KIF16B: variants seen among roughly 807,000 people sequenced by gnomAD.
KIF16B encodes kinesin family member 16B, also known as kinesin-like protein KIF16B.
Under a neutral mutation model 156.3 loss-of-function variants are expected in KIF16B, and 98 were observed. That is an observed-to-expected ratio of 0.63 (90% CI 0.53 to 0.74). The LOEUF is 0.74. Ranked by LOEUF, KIF16B falls within the 30% of genes least tolerant of loss-of-function variation. KIF16B has a pLI of 0.00. For missense variants in KIF16B, 1,421 were observed against 1,606.5 expected, an observed-to-expected ratio of 0.88 and a Z score of 1.97; for synonymous variants, 564 against 583.7, an observed-to-expected ratio of 0.97 and a Z score of 0.49.
chr20:16,299,541 T>C (rs909603007), intron 25 of KIF16B, among the ~76,000 whole-genome samples: 4 of 152,152 alleles, frequency 2.6e-5, no homozygotes, highest in Admixed American at 2.0e-4. Flanking sequence ...TATTAACACA[T>C]CCAACACTCT....
rs768096070 is a variant in KIF16B at position 16,505,986 on chromosome 20, G to C, written c.868+36C>G. On this transcript the variant is annotated intron_variant, in intron 8 of 25. Coordinates refer to ENST00000354981, the MANE Select transcript of KIF16B (RefSeq NM_024704.5). Reference sequence around the variant, plus strand: ...ATATTACACATGAGGAAAAAGAGGAGGAAACAGAGGAGGCAGGAGCCAGGC... The same window carrying C: ...ATATTACACATGAGGAAAAAGAGGACGAAACAGAGGAGGCAGGAGCCAGGC... 5.0e-6 allele frequency: 8 copies of C among 1,611,450 alleles called. No homozygotes were observed. The East Asian group carries it at 1.8e-4, about 36-fold the overall frequency.
Position 16,288,913 on chromosome 20 carries a change from C to A in KIF16B, c.3796-15502G>T, listed in dbSNP as rs534895937. ...TACTGGCGATGGGTTTATTGGGATCCCATCATAAGTGGAGGAGTATCTGTT... is the reference window on the plus strand; with the variant it reads ...TACTGGCGATGGGTTTATTGGGATCACATCATAAGTGGAGGAGTATCTGTT... On this transcript the variant is annotated intron_variant, in intron 25 of 25. Coordinates refer to ENST00000354981, the MANE Select transcript of KIF16B (RefSeq NM_024704.5). Among the ~76,000 whole-genome samples the A allele has an allele frequency of 2.2e-5, 3 of 135,102 alleles. No homozygotes were observed. The South Asian group carries it at 7.3e-4, about 33-fold the overall frequency. 88.6% of individuals were successfully genotyped at this position (135,102 alleles called of 152,430 possible).
chr20:16,342,060 C>A (rs1447183879), intron 23 of KIF16B, among the ~76,000 whole-genome samples: 1 of 152,174 alleles, frequency 6.6e-6, no homozygotes, highest in Admixed American at 6.5e-5. Flanking sequence ...AGTGTCCAAA[C>A]CATGATTTTT....
At chr20:16,350,706 C>T (rs779489027) in intron 23 of KIF16B, among the ~76,000 whole-genome samples, 4 of 142,826 alleles carry the variant, frequency 2.8e-5, no homozygotes, top group Non-Finnish European at 6.1e-5. Context: ...TCCATCAGTG[C>T]GGATGGAGCA....
chr20:16,565,489 C>T (rs6044121), intron 1 of KIF16B, among the ~76,000 whole-genome samples: 21,657 of 152,174 alleles, frequency 0.14, 1,557 homozygotes, highest in South Asian at 0.17. Flanking sequence ...TGGAGAATCA[C>T]TGTTTTACAA....
Position 16,317,127 on chromosome 20 carries a change from T to C in KIF16B, c.3712-4709A>G, listed in dbSNP as rs989677988. 2.0e-5 allele frequency among the ~76,000 whole-genome samples: 3 copies of C among 152,236 alleles called. No individual in the cohort carries two copies. The East Asian group carries it at 5.8e-4, about 29-fold the overall frequency. ...AATCAGAAATATTATCTGAACATTTTCATTCCCTCTCAAGTACTTTATATT... is the reference window on the plus strand; with the variant it reads ...AATCAGAAATATTATCTGAACATTTCCATTCCCTCTCAAGTACTTTATATT... On this transcript the variant is annotated intron_variant, in intron 24 of 25. Coordinates refer to ENST00000354981, the MANE Select transcript of KIF16B (RefSeq NM_024704.5).
At chr20:16,535,912 T>C (rs1380301147) in intron 1 of KIF16B, among the ~76,000 whole-genome samples, 1 of 152,168 alleles carries the variant, frequency 6.6e-6, no homozygotes, top group Non-Finnish European at 1.5e-5. Flanking sequence ...AAATTAGTGC[T>C]ATGGAAAACA....
intron 12 of KIF16B, among the ~76,000 whole-genome samples, chr20:16,433,985 A>G (rs2066574810): frequency 6.6e-6 from 1 of 152,206 alleles, no homozygotes; most frequent in South Asian, 2.1e-4. Context: ...AGGGTCCCAA[A>G]GAAATCAATG....
intron 12 of KIF16B, among the ~76,000 whole-genome samples, chr20:16,485,913 G>A (rs1196996041): frequency 2.6e-5 from 4 of 151,888 alleles, no homozygotes; most frequent in Admixed American, 1.3e-4. Flanking sequence ...ATATATATGT[G>A]TATATAAATT....
chr20:16,333,392 CTTAT>C (rs1423824671), intron 24 of KIF16B, among the ~76,000 whole-genome samples: 1 of 152,132 alleles, frequency 6.6e-6, no homozygotes, highest in Non-Finnish European at 1.5e-5. Flanking sequence ...CTGAAATTGC[CTTAT>C]TTATTTGTTC....
Position 16,370,570 on chromosome 20 carries a change from A to T in KIF16B, c.3498+16T>A, listed in dbSNP as rs372277234. On this transcript the variant is annotated intron_variant, in intron 22 of 25. Coordinates refer to ENST00000354981, the MANE Select transcript of KIF16B (RefSeq NM_024704.5). ...AATTTAAGGCGACCCTATCAATCTG[A>T]AAAATCATTACCTACCTCATATTTT... 2 of 1,565,442 alleles carry T rather than the reference A, an allele frequency of 1.3e-6. No homozygotes were observed. The highest frequency in any genetic ancestry group is 1.7e-6 in the Non-Finnish European group (2 of 1,162,966).
chr20:16,289,008 G>A (rs1002837601), intron 25 of KIF16B, among the ~76,000 whole-genome samples: 9 of 151,760 alleles, frequency 5.9e-5, no homozygotes, highest in African/African-American at 2.2e-4. Context: ...ACGGCCAGTT[G>A]AAAATACTCT....
intron 1 of KIF16B, among the ~76,000 whole-genome samples, chr20:16,541,917 C>T (rs1339520061): frequency 2.0e-5 from 3 of 152,276 alleles, no homozygotes; most frequent in African/African-American, 4.8e-5. Context: ...CTGTGGGCTG[C>T]GGTGGAAAGA....
intron 1 of KIF16B, among the ~76,000 whole-genome samples, chr20:16,557,098 TATTAATATTAATC>T (rs1169476376): frequency 2.0e-4 from 30 of 148,842 alleles, no homozygotes; most frequent in East Asian, 3.9e-4. Flanking sequence ...CTATATATAG[TATTAATATTAATC>T]ATTAATATTA....
intron 1 of KIF16B, among the ~76,000 whole-genome samples, chr20:16,555,244 T>C (rs1040873289): frequency 1.3e-5 from 2 of 152,250 alleles, no homozygotes; most frequent in African/African-American, 4.8e-5. Flanking sequence ...CATTAATTCC[T>C]TAAGTCCTCA....
At chr20:16,412,460 A>G (rs2065981522) in intron 15 of KIF16B, among the ~76,000 whole-genome samples, 2 of 152,124 alleles carry the variant, frequency 1.3e-5, no homozygotes, top group Admixed American at 1.3e-4. Flanking sequence ...GCCAATAAAG[A>G]TATACCCAAG....
At chr20:16,337,824 A>G (rs1336102818) in intron 23 of KIF16B, among the ~76,000 whole-genome samples, 1 of 152,220 alleles carries the variant, frequency 6.6e-6, no homozygotes, top group Non-Finnish European at 1.5e-5. Context: ...GCAAAGACAA[A>G]ACTGGAGCAC....
At chr20:16,358,396 A>C (rs1393068704) in intron 22 of KIF16B, among the ~76,000 whole-genome samples, 1 of 152,180 alleles carries the variant, frequency 6.6e-6, no homozygotes, top group African/African-American at 2.4e-5. Context: ...CAAGCATAAC[A>C]TACTCTAACT....
chr20:16,459,876 G>A (rs1293255760), intron 12 of KIF16B, among the ~76,000 whole-genome samples: 1 of 152,072 alleles, frequency 6.6e-6, no homozygotes, highest in African/African-American at 2.4e-5. Flanking sequence ...GTGCTCAAAG[G>A]ACTTGCTCTG....
Sources: gnomAD v4.1 joint callset for allele counts (sites outside exome capture counted in the v4.1 genomes callset) on GRCh38, gnomAD v4.1.1 for gene constraint, MANE v1.5 for transcripts, NCBI Gene and HGNC (gene_info 2026-07-23, HGNC 2026-07-21) for gene names.